C8A: variants seen among roughly 807,000 people sequenced by gnomAD.
The protein encoded by C8A is complement C8 alpha chain.
C8A carries 67 observed loss-of-function variants against 65.3 expected under a neutral mutation model. The observed-to-expected ratio is 1.03, with a 90% CI of 0.84 to 1.26. C8A has a LOEUF of 1.26. Ranked by LOEUF, C8A falls within the 50% of genes most tolerant of loss-of-function variation. The pLI, the probability that C8A is intolerant of heterozygous loss-of-function variation, is 0.00. For missense variants in C8A, 781 were observed against 723.9 expected (o/e 1.08, Z -0.90); for synonymous variants, 290 against 259.4 (o/e 1.12, Z -1.13).
chr1:56,861,371 G>A (rs1486625363), intron 1 of C8A, among the ~76,000 whole-genome samples: 4 of 152,098 alleles, frequency 2.6e-5, no homozygotes, highest in East Asian at 1.9e-4. Context: ...GGGCACATTC[G>A]AAGAGGGACC....
At chr1:56,887,824 TC>T (rs1471289725) in intron 7 of C8A, among the ~76,000 whole-genome samples, 1 of 152,166 alleles carries the variant, frequency 6.6e-6, no homozygotes, top group Non-Finnish European at 1.5e-5. Flanking sequence ...TGAGTTCATG[TC>T]CTTTGCAGGG....
chr1:56,878,427 C>G (rs569745941), intron 4 of C8A, among the ~76,000 whole-genome samples: 1 of 152,230 alleles, frequency 6.6e-6, no homozygotes, highest in Admixed American at 6.5e-5. Flanking sequence ...AAAATAATCC[C>G]TTCCTTATTG....
At chr1:56,905,311 G>A (rs1303547805) in intron 7 of C8A, among the ~76,000 whole-genome samples, 2 of 152,126 alleles carry the variant, frequency 1.3e-5, no homozygotes, top group Admixed American at 6.5e-5. Flanking sequence ...GGGAAATGGA[G>A]GCCCAGTGGG....
chr1:56,911,671 A>G (rs1644507811), intron 9 of C8A, among the ~76,000 whole-genome samples: 1 of 152,188 alleles, frequency 6.6e-6, no homozygotes. Flanking sequence ...GAATTATCCA[A>G]CTTGATACGC....
chr1:56,876,103 G>C lies in C8A; in HGVS notation c.358G>C (p.Asp120His). The C allele has an allele frequency of 3.7e-6, 6 of 1,613,842 alleles. No individual in the cohort carries two copies. Among genetic ancestry groups the C allele is most frequent in the Non-Finnish European group, 5.1e-6 (6 of 1,179,862 alleles). ...KRHLVCNGDQ[D>H]CLDGSDEDDC... ...CCACCTTGTGTGTAATGGAGACCAG[G>C]ACTGCCTTGATGGCTCTGATGAGGA... Residue 120 changes from aspartate (D) to histidine (H), a missense_variant, in exon 4 of 11, where the codon GAC (aspartate) becomes CAC (histidine). Coordinates refer to ENST00000361249, the MANE Select transcript of C8A (RefSeq NM_000562.3).
At chr1:56,883,916 C>T (rs576273681) in intron 6 of C8A, among the ~76,000 whole-genome samples, 89 of 151,962 alleles carry the variant, frequency 5.9e-4, no homozygotes, top group African/African-American at 2.0e-3. Flanking sequence ...CTTTGCCCCC[C>T]CCATCATCAT....
chr1:56,885,696 C>A (rs1299014711), intron 6 of C8A, among the ~76,000 whole-genome samples: 4 of 151,134 alleles, frequency 2.6e-5, no homozygotes, highest in African/African-American at 9.7e-5. Flanking sequence ...GGATTACAGG[C>A]ATGCACCACC....
chr1:56,885,078 T>C lies in C8A; in HGVS notation c.856-849T>C, dbSNP rs186947760. ...ATAGATTGGGAGAAGAACAGAAGGG[T>C]GAAGCACAATGAAGAAACCATTGTA... On this transcript the variant is annotated intron_variant, in intron 6 of 10. Transcript: ENST00000361249. Among the ~76,000 whole-genome samples, 180 of 151,256 alleles carry C rather than the reference T, an allele frequency of 1.2e-3. 1 individual carries two copies. The highest frequency in any genetic ancestry group is 3.3e-3 in the African/African-American group (134 of 41,182).
chr1:56,899,031 C>T (rs1417100163), intron 7 of C8A, among the ~76,000 whole-genome samples: 1 of 152,122 alleles, frequency 6.6e-6, no homozygotes, highest in East Asian at 1.9e-4. Flanking sequence ...AACAGACAGT[C>T]ACTAGATTCT....
chr1:56,907,901 C>A, intron 8 of C8A, 55 bp from the exon 9 acceptor site: 1 of 1,600,978 alleles, frequency 6.2e-7, no homozygotes, highest in Middle Eastern at 1.7e-4. Context: ...GTTTGTCAAC[C>A]AGTCCTTGGG....
chr1:56,916,668 T>C (rs1272879689), intron 10 of C8A, among the ~76,000 whole-genome samples: 1 of 152,204 alleles, frequency 6.6e-6, no homozygotes, highest in East Asian at 1.9e-4. Context: ...CACTTTCATC[T>C]GACTTAGAGG....
At chr1:56,885,390 ATT>A (rs1644287076) in intron 6 of C8A, among the ~76,000 whole-genome samples, 2 of 107,390 alleles carry the variant, frequency 1.9e-5, no homozygotes, top group South Asian at 6.3e-4. Flanking sequence ...TTAAATATAT[ATT>A]TAAATAAATA....
chr1:56,917,296 T>C (rs1644560110), intron 10 of C8A, among the ~76,000 whole-genome samples: 2 of 152,186 alleles, frequency 1.3e-5, no homozygotes, highest in Non-Finnish European at 1.5e-5. Context: ...GCTCTGCAAC[T>C]CCCTGGACAG....
chr1:56,883,361 G>C (rs1271741337), intron 5 of C8A, 120 bp from the exon 6 acceptor site: 3 of 839,286 alleles, frequency 3.6e-6, no homozygotes, highest in African/African-American at 3.4e-5. Flanking sequence ...CCTTATAAAA[G>C]AATTACCTAC....
At chr1:56,907,235 G>T (rs1644473181) in intron 8 of C8A, among the ~76,000 whole-genome samples, 2 of 152,156 alleles carry the variant, frequency 1.3e-5, no homozygotes, top group Non-Finnish European at 2.9e-5. Context: ...AAGTCAGTTG[G>T]GGTGTTCATG....
At chr1:56,867,812 G>T (rs370307338) in intron 2 of C8A, 110 bp downstream of exon 2, 3 of 803,566 alleles carry the variant, frequency 3.7e-6, no homozygotes, top group East Asian at 5.2e-5. Flanking sequence ...GAGAAATTGG[G>T]TCTAGAAATT....
chr1:56,914,997 C>T (rs866933187), intron 10 of C8A, among the ~76,000 whole-genome samples: 1 of 152,178 alleles, frequency 6.6e-6, no homozygotes, highest in Non-Finnish European at 1.5e-5. Context: ...AATTTCTAAG[C>T]TGCCAATTTC....
At position 56,897,708 on chromosome 1, in the gene C8A, G is replaced by A. The variant is rs557614966; in HGVS notation, c.1097-8959G>A. 2.2e-3 allele frequency among the ~76,000 whole-genome samples: 334 copies of A among 152,244 alleles called. 1 individual carries two copies. The highest frequency in any genetic ancestry group is 7.6e-3 in the African/African-American group (316 of 41,544). On this transcript the variant is annotated intron_variant, in intron 7 of 10. Coordinates refer to ENST00000361249, the MANE Select transcript of C8A (RefSeq NM_000562.3). Reference sequence around the variant, plus strand: ...TTGTTTGATTATAACTCCCTTTCAGGAAGATTCTGAGTAGAGCATTTACCC... The same window carrying A: ...TTGTTTGATTATAACTCCCTTTCAGAAAGATTCTGAGTAGAGCATTTACCC...
chr1:56,898,909 A>G (rs1361791721), intron 7 of C8A, among the ~76,000 whole-genome samples: 1 of 152,214 alleles, frequency 6.6e-6, no homozygotes, highest in African/African-American at 2.4e-5. Flanking sequence ...TAAGGTGGGC[A>G]GGAATCTTAT....
Sources: gnomAD v4.1 joint callset for allele counts (sites outside exome capture counted in the v4.1 genomes callset) on GRCh38, gnomAD v4.1.1 for gene constraint, MANE v1.5 for transcripts, NCBI Gene and HGNC (gene_info 2026-07-23, HGNC 2026-07-21) for gene names.